Variants in TTC17 observed in about 807,000 individuals in gnomAD.
TTC17 encodes the protein tetratricopeptide repeat domain 17, also known as tetratricopeptide repeat protein 17.
In TTC17, 58 loss-of-function variants were observed where a neutral mutation model predicts 143.8. That is an observed-to-expected ratio of 0.40 (90% CI 0.33 to 0.50). The LOEUF (loss-of-function observed/expected upper bound fraction) is 0.50. Ranked by LOEUF, TTC17 falls within the 20% of genes least tolerant of loss-of-function variation. The pLI is 0.49. For missense variants in TTC17, 1,273 were observed against 1,392.5 expected, an observed-to-expected ratio of 0.91 and a Z score of 1.37; for synonymous variants, 501 against 497.8, an observed-to-expected ratio of 1.01 and a Z score of -0.09.
At position 43,486,728 on chromosome 11, in the gene TTC17, TTAAC is replaced by T. The variant is rs1457262554; in HGVS notation, c.3031-3508_3031-3505del. 2.6e-5 allele frequency among the ~76,000 whole-genome samples: 4 copies of T among 152,300 alleles called. No individual in the cohort carries two copies. In the East Asian group the frequency reaches 7.7e-4, roughly 29 times the overall value. On this transcript the variant is annotated intron_variant, in intron 21 of 23. Transcript: ENST00000039989. ...TTTTACATAGTTATATACCTAATAT[TTAAC>T]TATGTTATATAATTATATATTTACT...
intron 16 of TTC17, 134 bp from the exon 17 acceptor site, chr11:43,443,191 T>A: frequency 2.9e-6 from 3 of 1,024,846 alleles, no homozygotes; most frequent in Non-Finnish European, 4.1e-6. Context: ...CTGAATGGAA[T>A]TTTTATTACA....
chr11:43,416,916 C>CT, intron 16 of TTC17, among the ~76,000 whole-genome samples: 1 of 152,180 alleles, frequency 6.6e-6, no homozygotes, highest in East Asian at 1.9e-4. Flanking sequence ...CTAAAAACAG[C>CT]TAATAGTCTA....
intron 1 of TTC17, among the ~76,000 whole-genome samples, chr11:43,362,196 T>TGTGTGTG (rs1565125194): frequency 6.9e-6 from 1 of 145,108 alleles, no homozygotes; most frequent in Non-Finnish European, 1.5e-5. Context: ...TGTGTGTGTA[T>TGTGTGTG]TTTTAGTAGA....
At chr11:43,446,001 A>G (rs1235439514) in intron 18 of TTC17, 1 of 1,534,004 alleles carries the variant, frequency 6.5e-7, no homozygotes, top group African/African-American at 1.4e-5. Context: ...GGCATTTAAC[A>G]GAGCCTCTTA....
intron 5 of TTC17, chr11:43,395,498 A>T (rs2134546005): frequency 6.6e-6 from 1 of 152,330 alleles, no homozygotes. Context: ...GATTTGAAAA[A>T]CAACTTTCTC....
Position 43,444,112 on chromosome 11 carries a change from T to TG in TTC17, c.2571dup (p.Lys858GlufsTer36). On this transcript the variant is annotated frameshift_variant, in exon 18 of 24. Transcript: ENST00000039989. LOFTEE classifies it high-confidence loss of function. The stretch of plus-strand genomic sequence containing the variant: ...CCAAAGGAGATCATAAGAAAACTCC[T>TG]GGGAAAAAAGTAGAAACAGGTCAGA... The TG allele has an allele frequency of 6.2e-7, 1 of 1,613,218 alleles. No homozygotes were observed. The highest frequency in any genetic ancestry group is 8.5e-7 in the Non-Finnish European group (1 of 1,179,628).
intron 21 of TTC17, among the ~76,000 whole-genome samples, chr11:43,469,662 T>C (rs1948052645): frequency 6.6e-6 from 1 of 152,198 alleles, no homozygotes; most frequent in South Asian, 2.1e-4. Context: ...CATATAGGGA[T>C]AGAAATCAGA....
At chr11:43,415,831 C>G (rs1031373363) in intron 16 of TTC17, among the ~76,000 whole-genome samples, 6 of 152,146 alleles carry the variant, frequency 3.9e-5, no homozygotes, top group Admixed American at 3.9e-4. Flanking sequence ...ACCTCTGTAG[C>G]TCAGTTGTGG....
At chr11:43,458,734 T>C (rs1476490713) in intron 21 of TTC17, among the ~76,000 whole-genome samples, 2 of 152,158 alleles carry the variant, frequency 1.3e-5, no homozygotes, top group Non-Finnish European at 2.9e-5. Context: ...GGTTTCGCTT[T>C]CCACAGTTTT....
chr11:43,413,134 A>G (rs1382141502), intron 15 of TTC17, among the ~76,000 whole-genome samples: 1 of 152,222 alleles, frequency 6.6e-6, no homozygotes, highest in Non-Finnish European at 1.5e-5. Flanking sequence ...AAGATACTCA[A>G]ACATAGCAAT....
chr11:43,406,073 A>T, intron 13 of TTC17, 122 bp downstream of exon 13: 1 of 1,201,906 alleles, frequency 8.3e-7, no homozygotes, highest in Non-Finnish European at 1.1e-6. Flanking sequence ...AAATGGAAGG[A>T]TAGAGTTAAA....
chr11:43,389,299 T>A (rs1251630508), intron 2 of TTC17, among the ~76,000 whole-genome samples: 1 of 152,218 alleles, frequency 6.6e-6, no homozygotes, highest in Non-Finnish European at 1.5e-5. Flanking sequence ...AATAGCAACA[T>A]GTACTATGTC....
At chr11:43,359,403 CT>C (rs1856003373) in intron 1 of TTC17, 29 of 379,874 alleles carry the variant, frequency 7.6e-5, no homozygotes, top group East Asian at 2.3e-4. Context: ...CCCTACGGAC[CT>C]TTTTTTAGCT....
At chr11:43,394,046 A>G (rs973415360) in intron 5 of TTC17, among the ~76,000 whole-genome samples, 1 of 152,202 alleles carries the variant, frequency 6.6e-6, no homozygotes, top group African/African-American at 2.4e-5. Context: ...GAAGAAATCA[A>G]ATTTGGGCCC....
chr11:43,440,263 C>T (rs1590424348), intron 16 of TTC17, among the ~76,000 whole-genome samples: 1 of 146,592 alleles, frequency 6.8e-6, no homozygotes, highest in African/African-American at 2.5e-5. Flanking sequence ...GTTACAACCC[C>T]AGCCCTCAGC....
In TTC17 at chr11:43,382,475, G is replaced by A. The variant is rs114838785; in HGVS notation, c.249+3153G>A. On this transcript the variant is annotated intron_variant, in intron 2 of 23. Transcript: ENST00000039989. ...TAATTAAAGCATGTTAGACTGTTTT[G>A]TCATGTTCAAAAGATAAAAATAACT... Among the ~76,000 whole-genome samples the A allele has an allele frequency of 6.2e-3, 937 of 152,224 alleles. 12 individuals are homozygous for A. Among genetic ancestry groups the A allele is most frequent in the African/African-American group, 0.021 (884 of 41,544 alleles).
intron 16 of TTC17, among the ~76,000 whole-genome samples, chr11:43,420,315 T>C (rs889709486): frequency 3.9e-5 from 6 of 152,186 alleles, no homozygotes; most frequent in Admixed American, 3.9e-4. Flanking sequence ...ATTGGAAGAA[T>C]TCATATTTGT....
At chr11:43,403,734 T>C (rs1008444102) in intron 10 of TTC17, among the ~76,000 whole-genome samples, 3 of 126,164 alleles carry the variant, frequency 2.4e-5, no homozygotes, top group Non-Finnish European at 1.9e-5. Context: ...ATCATAAAAA[T>C]GAAGCAAAGG....
chr11:43,362,867 C>G (rs1856174141), intron 1 of TTC17, among the ~76,000 whole-genome samples: 2 of 152,170 alleles, frequency 1.3e-5, no homozygotes, highest in South Asian at 4.1e-4. Flanking sequence ...TCCAGGGAAT[C>G]CTGGAGCTGG....
Sources: allele counts gnomAD v4.1 joint callset (sites outside exome capture counted in the v4.1 genomes callset), GRCh38; gene constraint gnomAD v4.1.1; transcripts MANE v1.5; gene names NCBI Gene and HGNC (gene_info 2026-07-23, HGNC 2026-07-21).